ST6GAL1: variants seen among roughly 807,000 people sequenced by gnomAD.
ST6GAL1 encodes the protein beta-galactoside alpha-2,6-sialyltransferase 1.
Under a neutral mutation model 38.0 loss-of-function variants are expected in ST6GAL1, and 20 were observed. The ratio of observed to expected loss-of-function variants is 0.53; its 90% confidence interval spans 0.37 to 0.77. ST6GAL1 has a LOEUF of 0.77. Among genes scored for constraint, ST6GAL1 ranks in the 30% least tolerant of loss-of-function variants. The pLI, the probability that ST6GAL1 is intolerant of heterozygous loss-of-function variation, is 0.00. For synonymous variants in ST6GAL1, 196 were observed against 188.2 expected (o/e 1.04, Z -0.34); for missense variants, 432 against 496.4 (o/e 0.87, Z 1.23).
In ST6GAL1 at chr3:187,042,909, A is replaced by C; in HGVS notation, c.206A>C (p.Gln69Pro). ...DSQSVSSSST[Q>P]DPHRGRQTLG... ...CAGTCTGTATCCTCAAGCAGCACCC[A>C]GGACCCCCACAGGGGCCGCCAGACC... The change falls in exon 4 of 8, where the codon CAG (glutamine) becomes CCG (proline). Residue 69 changes from glutamine (Q) to proline (P), a missense_variant. By Grantham distance (76) the Gln-to-Pro change is moderately conservative (BLOSUM62 -1). Coordinates refer to ENST00000169298, the MANE Select transcript of ST6GAL1 (RefSeq NM_173216.2). 6.2e-7 allele frequency: 1 copy of C among 1,614,226 alleles called. No homozygotes were observed. Among genetic ancestry groups the C allele is most frequent in the Non-Finnish European group, 8.5e-7 (1 of 1,180,040 alleles).
intron 2 of ST6GAL1, among the ~76,000 whole-genome samples, chr3:187,015,429 G>A (rs560602530): frequency 6.6e-6 from 1 of 152,172 alleles, no homozygotes; most frequent in African/African-American, 2.4e-5. Context: ...TGTGCTCTGG[G>A]CTTGGGACCT....
chr3:186,950,540 C>A (rs1416948603), intron 1 of ST6GAL1, among the ~76,000 whole-genome samples: 1 of 152,206 alleles, frequency 6.6e-6, no homozygotes, highest in Non-Finnish European at 1.5e-5. Context: ...ACTGCAAAGG[C>A]AGAGCTCACT....
At chr3:186,953,432 C>T (rs769461529) in intron 1 of ST6GAL1, among the ~76,000 whole-genome samples, 2 of 152,142 alleles carry the variant, frequency 1.3e-5, no homozygotes, top group Middle Eastern at 3.2e-3. Context: ...GTTTTCGTCT[C>T]TTCTTCAGGT....
At chr3:186,933,544 A>T (rs1713836504) in intron 1 of ST6GAL1, among the ~76,000 whole-genome samples, 2 of 152,204 alleles carry the variant, frequency 1.3e-5, no homozygotes, top group Admixed American at 1.3e-4. Context: ...AGGACCAAGA[A>T]GAAAAATCCT....
At chr3:187,022,933 G>A (rs554179173) in intron 2 of ST6GAL1, among the ~76,000 whole-genome samples, 1 of 152,270 alleles carries the variant, frequency 6.6e-6, no homozygotes, top group South Asian at 2.1e-4. Context: ...TAGGTATTGT[G>A]TATAGTTTGG....
chr3:187,059,678 A>G lies in ST6GAL1; in HGVS notation c.705+8332A>G, dbSNP rs146800004. ...CTTACAGGGTTGTTGTGAGGTGTAA[A>G]TAAGAAAAATCTGTGCAAAGCACTT... On this transcript the variant is annotated intron_variant, in intron 5 of 7. Transcript: ENST00000169298. Among the ~76,000 whole-genome samples, 5 of 152,314 alleles carry G rather than the reference A, an allele frequency of 3.3e-5. No individual in the cohort carries two copies. In the East Asian group the frequency reaches 9.6e-4, roughly 29 times the overall value.
At chr3:186,945,837 A>C (rs979888207) in intron 1 of ST6GAL1, among the ~76,000 whole-genome samples, 1 of 151,030 alleles carries the variant, frequency 6.6e-6, no homozygotes, top group Non-Finnish European at 1.5e-5. Flanking sequence ...AAAAATACAA[A>C]AAAATTAGCC....
chr3:186,968,308 A>C (rs1715222219), intron 2 of ST6GAL1, among the ~76,000 whole-genome samples: 1 of 152,152 alleles, frequency 6.6e-6, no homozygotes, highest in South Asian at 2.1e-4. Context: ...TTTTTTCCCC[A>C]CAAAGTAGAT....
intron 1 of ST6GAL1, among the ~76,000 whole-genome samples, chr3:186,933,938 T>G (rs944069841): frequency 5.9e-5 from 9 of 152,208 alleles, no homozygotes; most frequent in African/African-American, 2.2e-4. Flanking sequence ...GGATCAGCTT[T>G]CTTTAGTGTT....
intron 1 of ST6GAL1, among the ~76,000 whole-genome samples, chr3:186,934,119 C>A (rs556230694): frequency 6.6e-6 from 1 of 152,360 alleles, no homozygotes; most frequent in Non-Finnish European, 1.5e-5. Flanking sequence ...GCTCCAGTTT[C>A]CTTCTTTGTA....
rs575532684 is a variant in ST6GAL1 at position 186,944,481 on chromosome 3, T to C, written c.-325+13647T>C. Among the ~76,000 whole-genome samples, 17 of 152,338 alleles carry C rather than the reference T, an allele frequency of 1.1e-4. No homozygotes were observed. In the South Asian group the frequency reaches 3.3e-3, roughly 30 times the overall value. On this transcript the variant is annotated intron_variant, in intron 1 of 7. Coordinates refer to ENST00000169298, the MANE Select transcript of ST6GAL1 (RefSeq NM_173216.2). ...TGGCTCTCGGGTAGGAGAGGCAGTA[T>C]GGGGAATTCATTCATGCAAAATCAA...
At chr3:187,056,692 C>T (rs981746510) in intron 5 of ST6GAL1, among the ~76,000 whole-genome samples, 2 of 152,148 alleles carry the variant, frequency 1.3e-5, no homozygotes, top group Non-Finnish European at 1.5e-5. Context: ...GATGGGCTTC[C>T]CTTTGTGGGT....
chr3:187,011,234 A>G (rs1716947125), intron 2 of ST6GAL1, among the ~76,000 whole-genome samples: 1 of 152,152 alleles, frequency 6.6e-6, no homozygotes, highest in African/African-American at 2.4e-5. Flanking sequence ...ACTGACCTCA[A>G]GTGATCCGCC....
At chr3:186,948,342 G>A (rs1714450647) in intron 1 of ST6GAL1, among the ~76,000 whole-genome samples, 1 of 152,218 alleles carries the variant, frequency 6.6e-6, no homozygotes, top group Admixed American at 6.5e-5. Context: ...TACCGATGAG[G>A]ACAAAGCAAG....
At chr3:187,003,784 A>G (rs1200944948) in intron 2 of ST6GAL1, among the ~76,000 whole-genome samples, 2 of 152,372 alleles carry the variant, frequency 1.3e-5, no homozygotes, top group Non-Finnish European at 2.9e-5. Context: ...GGACATAACC[A>G]TACATCATTA....
intron 2 of ST6GAL1, among the ~76,000 whole-genome samples, chr3:187,023,812 C>T (rs2108567199): frequency 6.6e-6 from 1 of 151,334 alleles, no homozygotes; most frequent in Non-Finnish European, 1.5e-5. Context: ...TGCAGCACAC[C>T]AACATGGCAC....
intron 5 of ST6GAL1, among the ~76,000 whole-genome samples, chr3:187,068,177 C>T (rs1719235139): frequency 6.6e-6 from 1 of 151,992 alleles, no homozygotes; most frequent in African/African-American, 2.4e-5. Context: ...CCCATCTCTA[C>T]TAAAAATACA....
In ST6GAL1 at chr3:187,065,107, CCCTG is replaced by C. The variant is rs1347491847; in HGVS notation, c.706-7738_706-7735del. Reference sequence around the variant, plus strand: ...TCTGCCTCCTGGGTTCAAGTGATTCCCCTGCCTCGGTCTCCCAAGTAGCTGAGAT... The same window carrying C: ...TCTGCCTCCTGGGTTCAAGTGATTCCCCTCGGTCTCCCAAGTAGCTGAGAT... On this transcript the variant is annotated intron_variant, in intron 5 of 7. Coordinates refer to ENST00000169298, the MANE Select transcript of ST6GAL1 (RefSeq NM_173216.2). Among the ~76,000 whole-genome samples, 3 of 152,028 alleles carry C rather than the reference CCCTG, an allele frequency of 2.0e-5. No individual in the cohort carries two copies. In the East Asian group the frequency reaches 5.8e-4, roughly 29 times the overall value.
At chr3:187,047,050 A>C (rs982684728) in intron 4 of ST6GAL1, among the ~76,000 whole-genome samples, 1 of 152,228 alleles carries the variant, frequency 6.6e-6, no homozygotes, top group South Asian at 2.1e-4. Flanking sequence ...GGTTCATGCC[A>C]TTCTCCTGCC....
Sources: gnomAD v4.1 joint callset for allele counts (sites outside exome capture counted in the v4.1 genomes callset) on GRCh38, gnomAD v4.1.1 for gene constraint, MANE v1.5 for transcripts, NCBI Gene and HGNC (gene_info 2026-07-23, HGNC 2026-07-21) for gene names.